The following ZNF285 variants were observed in gnomAD, a reference collection of about 807,000 sequenced individuals.
ZNF285 encodes the protein zinc finger protein 285A.
Under a neutral mutation model 6.2 loss-of-function variants are expected in ZNF285, and 4 were observed. The observed-to-expected ratio is 0.65, with a 90% CI of 0.32 to 1.49. The LOEUF is 1.49. ZNF285 is among the 40% of genes most tolerant of loss of function. The pLI is 0.07. For synonymous variants in ZNF285, 240 were observed against 245.8 expected, an observed-to-expected ratio of 0.98 and a Z score of 0.22; for missense variants, 695 against 708.8, an observed-to-expected ratio of 0.98 and a Z score of 0.22.
rs1971115524 is a variant in ZNF285, at chr19:44,387,658, TG to T, written c.586del (p.Gln196LysfsTer20). The T allele has an allele frequency of 6.2e-7, 1 of 1,613,800 alleles. No homozygotes were observed. On this transcript the variant is annotated frameshift_variant, in exon 4 of 4. Transcript: ENST00000614994. LOFTEE classifies it low-confidence loss of function (END_TRUNC). ...ACCAGGGTCCTCTCCTTTACATTCT[TG>T]GGACTCATGATGATCACATGAGGTC... ...SWTSCDHHESQECKGEDPGRH... is the reference protein window; with the variant it reads ...SWTSCDHHESXECKGEDPGRH...
chr19:44,400,731 T>C (rs2722658), intron 1 of ZNF285, among the ~76,000 whole-genome samples: 60,258 of 151,746 alleles, frequency 0.4, 15,908 homozygotes, highest in East Asian at 0.75. Flanking sequence ...CCTGCCACCG[T>C]GCCCGGCTAA....
chr19:44,393,500 G>C (rs537921656), intron 2 of ZNF285, among the ~76,000 whole-genome samples: 1 of 152,096 alleles, frequency 6.6e-6, no homozygotes, highest in African/African-American at 2.4e-5. Context: ...AAATTTGTTT[G>C]AGTTCATTAT....
chr19:44,389,125 T>G (rs1335816341), intron 3 of ZNF285, among the ~76,000 whole-genome samples: 2 of 151,442 alleles, frequency 1.3e-5, no homozygotes, highest in African/African-American at 4.9e-5. Context: ...TTCTGCCCTT[T>G]TAAGTTGTTG....
rs772925820 is a variant in ZNF285, at chr19:44,386,997, T to C, written c.1248A>G (p.Gln416=). Residue 416 remains glutamine, a synonymous_variant, in exon 4 of 4, where the codon CAA becomes CAG. Transcript: ENST00000614994. ...GKCFSSSSVL[Q]VHWRFHTGEK... ...CCCCTGTGTGAAACCTCCAGTGGAC[T>C]TGAAGAACGGAGCTTGAACTAAAGC... 4 of 1,614,114 alleles carry C rather than the reference T, an allele frequency of 2.5e-6. No individual in the cohort carries two copies. The Admixed American group carries it at 5.0e-5, about 20-fold the overall frequency.
chr19:44,395,719 C>T (rs1170576561), intron 2 of ZNF285, among the ~76,000 whole-genome samples: 2 of 152,098 alleles, frequency 1.3e-5, no homozygotes, highest in Admixed American at 1.3e-4. Flanking sequence ...GAGTGTGTTT[C>T]CTTACCCCTT....
rs374026345 is a variant in ZNF285, at chr19:44,397,904, G to GA, written c.-43-649dup. Among the ~76,000 whole-genome samples, 717 of 146,520 alleles carry GA rather than the reference G, an allele frequency of 4.9e-3. 7 individuals carry two copies. Among genetic ancestry groups the GA allele is most frequent in the African/African-American group, 0.017 (668 of 40,176 alleles). ...AAAGAGAAAAAAAAAAAAAACAGAG[G>GA]AAAAAAAAAAGAGAGAGCAATCTCA... On this transcript the variant is annotated intron_variant, in intron 1 of 3. Transcript: ENST00000614994.
At position 44,387,916 on chromosome 19, in the gene ZNF285, T is replaced by C. The variant is rs1971124080; in HGVS notation, c.329A>G (p.Glu110Gly). 6.2e-7 allele frequency: 1 copy of C among 1,614,040 alleles called. No individual in the cohort carries two copies. Among genetic ancestry groups the C allele is most frequent in the Non-Finnish European group, 8.5e-7 (1 of 1,179,918 alleles). ...AATCTGAAGAGAAATGCCTGCCCAC[T>C]CTTCACTGAGGGAAACATCTTCTAA... ...PHLEDVSLSE[E>G]WAGISLQISE... The change falls in exon 4 of 4, where the codon GAG (glutamate) becomes GGG (glycine). Residue 110 changes from glutamate to glycine, a missense_variant. By Grantham distance (98) the Glu-to-Gly change is moderately conservative. Transcript: ENST00000614994.
Position 44,386,324 on chromosome 19 carries a change from TG to T in ZNF285, c.*147del. Reference sequence around the variant, plus strand: ...GTTCTTGAAATCCACAGTCCTTGCCTGGCACACTTCAGTGCTGCAGGCTGAC... The same window carrying T: ...GTTCTTGAAATCCACAGTCCTTGCCTGCACACTTCAGTGCTGCAGGCTGAC... On this transcript the variant is annotated 3_prime_UTR_variant, in exon 4 of 4. Transcript: ENST00000614994. 1 of 858,880 alleles carries T rather than the reference TG, an allele frequency of 1.2e-6. No individual in the cohort carries two copies. Among genetic ancestry groups the T allele is most frequent in the Non-Finnish European group, 1.7e-6 (1 of 573,256 alleles). 53.2% of individuals were successfully genotyped at this position (858,880 alleles called of 1,614,324 possible).
intron 3 of ZNF285, among the ~76,000 whole-genome samples, chr19:44,389,623 TTTTC>T (rs1373599236): frequency 4.6e-5 from 7 of 151,948 alleles, no homozygotes; most frequent in South Asian, 4.1e-4. Flanking sequence ...AATCTATTTT[TTTTC>T]TTTCTTTCTT....
intron 1 of ZNF285, among the ~76,000 whole-genome samples, chr19:44,397,503 C>A (rs1221822610): frequency 6.6e-6 from 1 of 152,170 alleles, no homozygotes; most frequent in Admixed American, 6.5e-5. Flanking sequence ...CCTGCACATT[C>A]TTTTCCTTTT....
intron 2 of ZNF285, among the ~76,000 whole-genome samples, chr19:44,393,614 G>A (rs1471925175): frequency 2.0e-5 from 3 of 152,128 alleles, no homozygotes. Context: ...TTGCTGTGCA[G>A]AAGCTCTTTA....
rs1384090290 is a variant in ZNF285 at position 44,386,371 on chromosome 19, T to C, written c.*101A>G. The stretch of plus-strand genomic sequence containing the variant: ...CTGACATTATCGATGGCAGTGTCCC[T>C]GTCTTTTGCTCCCCTAGCCCTCCCA... On this transcript the variant is annotated 3_prime_UTR_variant, in exon 4 of 4. Coordinates refer to ENST00000614994, the MANE Select transcript of ZNF285 (RefSeq NM_152354.6). 7.9e-7 allele frequency: 1 copy of C among 1,265,082 alleles called. No homozygotes were observed. The highest frequency in any genetic ancestry group is 1.1e-6 in the Non-Finnish European group (1 of 926,180). The allele number at this position is 1,265,082 out of a possible 1,614,324, so 78.4% of individuals were successfully genotyped here. A position where few individuals can be genotyped will look rare whatever the true frequency, so the allele number is the denominator to read the frequency against.
chr19:44,397,139 G>T lies in ZNF285; in HGVS notation c.15+60C>A, dbSNP rs1011383636. ...AATGCTGACCTCCTTTCAGAAAACAGAAGTGTCTGGTTCCTCAGAATGAAC... is the reference window on the plus strand; with the variant it reads ...AATGCTGACCTCCTTTCAGAAAACATAAGTGTCTGGTTCCTCAGAATGAAC... On this transcript the variant is annotated intron_variant, in intron 2 of 3. Transcript: ENST00000614994. 4 of 1,611,334 alleles carry T rather than the reference G, an allele frequency of 2.5e-6. No homozygotes were observed. In the African/African-American group the frequency reaches 4.0e-5, roughly 16 times the overall value.
At chr19:44,398,568 G>T (rs1971323112) in intron 1 of ZNF285, among the ~76,000 whole-genome samples, 1 of 152,144 alleles carries the variant, frequency 6.6e-6, no homozygotes, top group Non-Finnish European at 1.5e-5. Flanking sequence ...TAGCCCTTCA[G>T]TCCTAAAGTC....
intron 1 of ZNF285, among the ~76,000 whole-genome samples, chr19:44,398,381 C>A (rs1037363549): frequency 6.6e-6 from 1 of 152,110 alleles, no homozygotes; most frequent in African/African-American, 2.4e-5. Context: ...GGAAAGCCAG[C>A]AAGAGATCCA....
rs1971057513 is a variant in ZNF285 at position 44,385,669 on chromosome 19, T to C, written c.*803A>G. ...AGTGGTGAGACACAATGAACTTTTA[T>C]TTCTTACTCTAAAAAGAAATCCAAC... is the stretch of plus-strand genomic sequence containing the variant. On this transcript the variant is annotated 3_prime_UTR_variant, in exon 4 of 4. Coordinates refer to ENST00000614994, the MANE Select transcript of ZNF285 (RefSeq NM_152354.6). 6.6e-6 allele frequency: 1 copy of C among 152,242 alleles called. No homozygotes were observed. Among genetic ancestry groups the C allele is most frequent in the Non-Finnish European group, 1.5e-5 (1 of 68,042 alleles). The allele number at this position is 152,242 out of a possible 1,614,324, so 9.4% of individuals were successfully genotyped here.
rs1272772301 is a variant in ZNF285 at position 44,382,595 on chromosome 19, C to T, written c.*3877G>A. On this transcript the variant is annotated 3_prime_UTR_variant, in exon 4 of 4. Coordinates refer to ENST00000614994, the MANE Select transcript of ZNF285 (RefSeq NM_152354.6). ...TTAGGACTAAGTTTTATAGGGAAAA[C>T]ATGTAAGCTAAGGGTCTGGAAGAGA... is the stretch of plus-strand genomic sequence containing the variant. 2.6e-5 allele frequency: 4 copies of T among 151,806 alleles called. No homozygotes were observed. Among genetic ancestry groups the T allele is most frequent in the Non-Finnish European group, 5.9e-5 (4 of 68,042 alleles). 9.4% of individuals were successfully genotyped at this position (151,806 alleles called of 1,614,324 possible).
intron 3 of ZNF285, among the ~76,000 whole-genome samples, chr19:44,389,161 GA>G (rs1329114036): frequency 6.6e-6 from 1 of 151,574 alleles, no homozygotes; most frequent in Non-Finnish European, 1.5e-5. Flanking sequence ...CCATGACTAT[GA>G]AAATGGGGAA....
intron 3 of ZNF285, among the ~76,000 whole-genome samples, chr19:44,389,461 A>G (rs144816721): frequency 0.013 from 1,985 of 152,260 alleles, 39 homozygotes; most frequent in African/African-American, 0.044. Flanking sequence ...AATTGTTTTG[A>G]TTGTAACCCA....
Sources: allele counts gnomAD v4.1 joint callset (sites outside exome capture counted in the v4.1 genomes callset), GRCh38; gene constraint gnomAD v4.1.1; transcripts MANE v1.5; gene names NCBI Gene and HGNC (gene_info 2026-07-23, HGNC 2026-07-21).